PDE6D: variants seen among roughly 807,000 people sequenced by gnomAD.
The protein encoded by PDE6D is retinal rod rhodopsin-sensitive cGMP 3',5'-cyclic phosphodiesterase subunit delta.
A neutral mutation model predicts 21.9 loss-of-function variants in PDE6D; 10 were observed. The ratio of observed to expected loss-of-function variants is 0.46; its 90% CI spans 0.28 to 0.78. PDE6D has a LOEUF of 0.78. Among genes scored for constraint, PDE6D ranks in the 30% least tolerant of loss-of-function variants. The pLI is 0.12. For missense variants in PDE6D, 139 were observed against 184.8 expected (o/e 0.75, Z 1.44); for synonymous variants, 59 against 63.5 (o/e 0.93, Z 0.34).
chr2:231,744,650 C>A (rs1192932499), intron 1 of PDE6D, among the ~76,000 whole-genome samples: 1 of 152,114 alleles, frequency 6.6e-6, no homozygotes, highest in Non-Finnish European at 1.5e-5. Context: ...TCAGGCTGGT[C>A]TCGAACTCCC....
intron 1 of PDE6D, among the ~76,000 whole-genome samples, chr2:231,780,557 G>A (rs1224890270): frequency 3.3e-5 from 5 of 152,106 alleles, no homozygotes; most frequent in African/African-American, 1.2e-4. Flanking sequence ...GTGCGGTGGG[G>A]GACCTGAGAG....
rs1419451227 is a variant in PDE6D at position 231,762,942 on chromosome 2, A to G, written c.50+18123T>C. On this transcript the variant is annotated intron_variant, in intron 1 of 4. Transcript: ENST00000287600. ...AGTGAGACCCCATCTCTACTAAAAA[A>G]AAAAGAAAAGAAAAGAAAATTGCAG... 2.0e-5 allele frequency among the ~76,000 whole-genome samples: 3 copies of G among 152,050 alleles called. No individual in the cohort carries two copies. The South Asian group carries it at 6.2e-4, about 32-fold the overall frequency.
chr2:231,760,869 A>G (rs1675618560), intron 1 of PDE6D, among the ~76,000 whole-genome samples: 1 of 152,220 alleles, frequency 6.6e-6, no homozygotes, highest in Admixed American at 6.5e-5. Flanking sequence ...GGCTAGTGAC[A>G]CTATTTTCTA....
intron 1 of PDE6D, among the ~76,000 whole-genome samples, chr2:231,747,009 C>A (rs181907945): frequency 1.3e-5 from 2 of 152,300 alleles, no homozygotes; most frequent in East Asian, 3.9e-4. Flanking sequence ...AGGAGGAAGA[C>A]TAAGTATTCC....
chr2:231,776,302 C>T, intron 1 of PDE6D, among the ~76,000 whole-genome samples: 1 of 102,118 alleles, frequency 9.8e-6, no homozygotes, highest in East Asian at 3.0e-4. Context: ...GCCGGGGTGA[C>T]AAGAGCAAGA....
At chr2:231,733,394 C>T (rs2048667817) in intron 4 of PDE6D, among the ~76,000 whole-genome samples, 1 of 152,136 alleles carries the variant, frequency 6.6e-6, no homozygotes, top group African/African-American at 2.4e-5. Context: ...CATATAGAAG[C>T]CTGCAGACCT....
At chr2:231,772,364 T>C (rs150929065) in intron 1 of PDE6D, among the ~76,000 whole-genome samples, 2,010 of 152,356 alleles carry the variant, frequency 0.013, 29 homozygotes, top group Non-Finnish European at 0.017. Flanking sequence ...CAGTAAGCTT[T>C]AGTCCAATCC....
intron 1 of PDE6D, among the ~76,000 whole-genome samples, chr2:231,752,859 A>T (rs1574625162): frequency 8.2e-6 from 1 of 121,772 alleles, no homozygotes. Context: ...TTTGAGACGG[A>T]GTCTCACTCT....
At chr2:231,745,002 C>T (rs2048782333) in intron 1 of PDE6D, among the ~76,000 whole-genome samples, 1 of 152,126 alleles carries the variant, frequency 6.6e-6, no homozygotes, top group African/African-American at 2.4e-5. Flanking sequence ...TTGAAGGCCC[C>T]TCTAAGTTCT....
intron 1 of PDE6D, among the ~76,000 whole-genome samples, chr2:231,741,893 T>C (rs1456540135): frequency 6.6e-6 from 1 of 152,204 alleles, no homozygotes; most frequent in African/African-American, 2.4e-5. Context: ...TATATCTGGA[T>C]AGTCAGGCAC....
chr2:231,747,386 C>T (rs746589727), intron 1 of PDE6D, among the ~76,000 whole-genome samples: 2 of 152,204 alleles, frequency 1.3e-5, no homozygotes, highest in Non-Finnish European at 2.9e-5. Context: ...CCACCACACC[C>T]GACCTATGAT....
At chr2:231,760,091 G>A (rs904344446) in intron 1 of PDE6D, among the ~76,000 whole-genome samples, 4 of 152,102 alleles carry the variant, frequency 2.6e-5, no homozygotes, top group African/African-American at 9.7e-5. Flanking sequence ...AAATTAGCTG[G>A]AGCAATTATT....
chr2:231,767,136 A>G (rs1464976), intron 1 of PDE6D, among the ~76,000 whole-genome samples: 65,875 of 151,952 alleles, frequency 0.43, 16,829 homozygotes, highest in African/African-American at 0.72. Flanking sequence ...TATCGAAGCT[A>G]AAGTAAAAAA....
chr2:231,776,982 A>G (rs1447593402), intron 1 of PDE6D, among the ~76,000 whole-genome samples: 1 of 152,242 alleles, frequency 6.6e-6, no homozygotes. Flanking sequence ...GCTCTTAACC[A>G]CTATGCTATA....
chr2:231,756,601 CTTTTTT>C (rs78576087), intron 1 of PDE6D, among the ~76,000 whole-genome samples: 2 of 116,450 alleles, frequency 1.7e-5, no homozygotes, highest in South Asian at 2.8e-4. Context: ...CTAAACCTGG[CTTTTTT>C]TTTTTTTTTT....
chr2:231,773,355 G>GA (rs924614858), intron 1 of PDE6D, among the ~76,000 whole-genome samples: 24 of 152,354 alleles, frequency 1.6e-4, no homozygotes, highest in Admixed American at 5.9e-4. Context: ...CAATCTACAT[G>GA]AAACTGGGCT....
At chr2:231,757,241 A>T (rs1020369721) in intron 1 of PDE6D, among the ~76,000 whole-genome samples, 1 of 151,812 alleles carries the variant, frequency 6.6e-6, no homozygotes, top group Non-Finnish European at 1.5e-5. Flanking sequence ...CCTTTTAAAC[A>T]TGTCCCCTCC....
intron 4 of PDE6D, among the ~76,000 whole-genome samples, chr2:231,735,331 G>A (rs1333595253): frequency 7.5e-6 from 1 of 133,372 alleles, no homozygotes; most frequent in African/African-American, 2.8e-5. Context: ...GTGGAGTCTC[G>A]CCCTGTCACC....
intron 1 of PDE6D, among the ~76,000 whole-genome samples, chr2:231,777,339 ATT>A (rs1273111032): frequency 6.8e-6 from 1 of 147,846 alleles, no homozygotes; most frequent in Admixed American, 6.8e-5. Flanking sequence ...GTATCTTTAA[ATT>A]TTTTTTTTTT....
Sources: gnomAD v4.1 joint callset for allele counts (sites outside exome capture counted in the v4.1 genomes callset) on GRCh38, gnomAD v4.1.1 for gene constraint, MANE v1.5 for transcripts, NCBI Gene and HGNC (gene_info 2026-07-23, HGNC 2026-07-21) for gene names.